The following GRID2 variants were observed in gnomAD, a reference collection of about 807,000 sequenced individuals.
GRID2 encodes glutamate receptor ionotropic, delta-2.
A neutral mutation model predicts 114.8 loss-of-function variants in GRID2; 33 were observed. The observed-to-expected ratio is 0.29, with a 90% confidence interval of 0.22 to 0.38. The LOEUF (loss-of-function observed/expected upper bound fraction) is 0.38, where lower values mean the gene tolerates loss of function less well. Ranked by LOEUF, GRID2 falls within the 10% of genes least tolerant of loss-of-function variation. The pLI is 1.00. For synonymous variants in GRID2, 505 were observed against 449.9 expected (o/e 1.12, Z -1.55); for missense variants, 1,184 against 1,257.7 (o/e 0.94, Z 0.89).
chr4:92,614,303 G>A (rs1424759739), intron 2 of GRID2, among the ~76,000 whole-genome samples: 1 of 151,420 alleles, frequency 6.6e-6, no homozygotes, highest in Admixed American at 6.6e-5. Context: ...TCTGTCTTAA[G>A]TTAGCAACTT....
At chr4:92,500,170 T>C (rs1723604786) in intron 1 of GRID2, among the ~76,000 whole-genome samples, 1 of 152,138 alleles carries the variant, frequency 6.6e-6, no homozygotes. Context: ...GTGTTTCTTT[T>C]TTTTTAAATC....
At chr4:93,707,766 T>C (rs1290936772) in intron 14 of GRID2, among the ~76,000 whole-genome samples, 2 of 151,942 alleles carry the variant, frequency 1.3e-5, no homozygotes, top group African/African-American at 4.8e-5. Flanking sequence ...TCTAGTTCTT[T>C]AAGGTATATC....
At chr4:93,725,692 G>A (rs934626802) in intron 14 of GRID2, among the ~76,000 whole-genome samples, 1 of 151,098 alleles carries the variant, frequency 6.6e-6, no homozygotes, top group Admixed American at 6.5e-5. Flanking sequence ...GTGTGAGATG[G>A]TATCTCATTG....
intron 1 of GRID2, among the ~76,000 whole-genome samples, chr4:92,531,464 A>C (rs1725351309): frequency 6.6e-6 from 1 of 152,136 alleles, no homozygotes; most frequent in Non-Finnish European, 1.5e-5. Context: ...AAGGCAGAGG[A>C]AATAAAGTTA....
chr4:92,696,000 A>G (rs966955920), intron 2 of GRID2, among the ~76,000 whole-genome samples: 2 of 152,174 alleles, frequency 1.3e-5, no homozygotes, highest in Non-Finnish European at 2.9e-5. Flanking sequence ...CCTAGCCTAA[A>G]TGAAATACAT....
chr4:92,636,004 C>T (rs940913092), intron 2 of GRID2, among the ~76,000 whole-genome samples: 2 of 151,984 alleles, frequency 1.3e-5, no homozygotes, highest in South Asian at 2.1e-4. Context: ...AAAATTGGTG[C>T]CTGATAAATC....
intron 4 of GRID2, among the ~76,000 whole-genome samples, chr4:93,131,297 G>T (rs1260353646): frequency 6.6e-6 from 1 of 151,310 alleles, no homozygotes; most frequent in African/African-American, 2.4e-5. Flanking sequence ...GGGACTACAG[G>T]CACTCGCTTC....
At chr4:93,098,972 TAAAG>T (rs543114286) in intron 3 of GRID2, among the ~76,000 whole-genome samples, 11 of 149,314 alleles carry the variant, frequency 7.4e-5, no homozygotes, top group African/African-American at 2.5e-4. Context: ...ATGATTGTAT[TAAAG>T]AAAGATCATT....
At chr4:93,058,289 C>A (rs929161353) in intron 2 of GRID2, among the ~76,000 whole-genome samples, 2 of 151,906 alleles carry the variant, frequency 1.3e-5, no homozygotes, top group Non-Finnish European at 2.9e-5. Flanking sequence ...ATTTGCTGAC[C>A]AGTATGAATA....
At chr4:92,696,890 T>C (rs1357771168) in intron 2 of GRID2, among the ~76,000 whole-genome samples, 1 of 152,174 alleles carries the variant, frequency 6.6e-6, no homozygotes, top group East Asian at 1.9e-4. Flanking sequence ...TTGATTTTAT[T>C]TGACATTCTT....
intron 2 of GRID2, among the ~76,000 whole-genome samples, chr4:92,828,087 C>G (rs1741854513): frequency 6.6e-6 from 1 of 151,962 alleles, no homozygotes; most frequent in Admixed American, 6.6e-5. Context: ...GTCTGAGAAA[C>G]TGTATTCCCC....
chr4:92,768,614 G>A (rs773061976), intron 2 of GRID2, among the ~76,000 whole-genome samples: 2 of 152,152 alleles, frequency 1.3e-5, no homozygotes, highest in Non-Finnish European at 1.5e-5. Flanking sequence ...AAATAAAGAG[G>A]TTTATTGGAC....
chr4:93,784,786 AG>A (rs1439601169), intron 1 of GRID2, among the ~76,000 whole-genome samples: 1 of 152,148 alleles, frequency 6.6e-6, no homozygotes, highest in East Asian at 1.9e-4. Context: ...GTTCCATAAA[AG>A]TGATACAATG....
At chr4:92,996,028 GC>G (rs1408091267) in intron 2 of GRID2, among the ~76,000 whole-genome samples, 1 of 151,716 alleles carries the variant, frequency 6.6e-6, no homozygotes, top group East Asian at 1.9e-4. Flanking sequence ...AGTGGCTCAT[GC>G]CTGTAATCCC....
intron 6 of GRID2, among the ~76,000 whole-genome samples, chr4:93,223,889 T>C (rs1325436381): frequency 2.0e-5 from 3 of 152,156 alleles, no homozygotes. Flanking sequence ...AAAAATTGGC[T>C]ATAATTTATT....
chr4:93,353,539 G>T (rs1044137877), intron 8 of GRID2, among the ~76,000 whole-genome samples: 1 of 151,934 alleles, frequency 6.6e-6, no homozygotes, highest in Non-Finnish European at 1.5e-5. Context: ...AAGAAAATGG[G>T]CATCCAAAGA....
intron 14 of GRID2, among the ~76,000 whole-genome samples, chr4:93,733,078 G>A (rs1730630461): frequency 6.6e-6 from 1 of 152,094 alleles, no homozygotes; most frequent in Admixed American, 6.6e-5. Flanking sequence ...TGCTTCTTAA[G>A]AATTTGATAA....
intron 2 of GRID2, among the ~76,000 whole-genome samples, chr4:92,864,747 C>T (rs1391625265): frequency 1.3e-5 from 2 of 152,116 alleles, no homozygotes; most frequent in East Asian, 3.9e-4. Context: ...GATACAAGTT[C>T]ACCAGTGACA....
intron 14 of GRID2, among the ~76,000 whole-genome samples, chr4:93,703,932 T>C (rs1578614632): frequency 6.6e-6 from 1 of 152,126 alleles, no homozygotes; most frequent in African/African-American, 2.4e-5. Flanking sequence ...TCTTTCCTAT[T>C]GTGAATAGTG....
Sources: allele counts gnomAD v4.1 joint callset (sites outside exome capture counted in the v4.1 genomes callset), GRCh38; gene constraint gnomAD v4.1.1; transcripts MANE v1.5; gene names NCBI Gene and HGNC (gene_info 2026-07-23, HGNC 2026-07-21).